BRINP1: variants seen among roughly 807,000 people sequenced by gnomAD.
The protein encoded by BRINP1 is BMP/retinoic acid inducible neural specific 1, also known as BMP/retinoic acid-inducible neural-specific protein 1.
A neutral mutation model predicts 72.9 loss-of-function variants in BRINP1; 17 were observed. The observed-to-expected ratio is 0.23, with a 90% CI of 0.16 to 0.35. The LOEUF (loss-of-function observed/expected upper bound fraction) is 0.35. Among genes scored for constraint, BRINP1 ranks in the 10% least tolerant of loss-of-function variants. The pLI is 1.00. For synonymous variants in BRINP1, 418 were observed against 378.5 expected (o/e 1.10, Z -1.21); for missense variants, 850 against 1,001.6 (o/e 0.85, Z 2.04).
intron 1 of BRINP1, among the ~76,000 whole-genome samples, chr9:119,344,345 C>T (rs748957741): frequency 1.3e-5 from 2 of 152,170 alleles, no homozygotes; most frequent in Non-Finnish European, 2.9e-5. Flanking sequence ...AACACACACA[C>T]ATAGTCTAGC....
chr9:119,247,635 G>A (rs1192804227), intron 3 of BRINP1, among the ~76,000 whole-genome samples: 1 of 121,886 alleles, frequency 8.2e-6, no homozygotes, highest in Admixed American at 1.2e-4. Flanking sequence ...TCCATCCTAG[G>A]CGACAGAGCG....
chr9:119,190,834 C>A (rs1829676158), intron 7 of BRINP1, among the ~76,000 whole-genome samples: 1 of 151,894 alleles, frequency 6.6e-6, no homozygotes, highest in Non-Finnish European at 1.5e-5. Flanking sequence ...CTAAGCCAGA[C>A]AAAGACACTG....
At chr9:119,224,834 A>G (rs1417266011) in intron 5 of BRINP1, among the ~76,000 whole-genome samples, 2 of 152,086 alleles carry the variant, frequency 1.3e-5, no homozygotes, top group African/African-American at 4.8e-5. Context: ...GACAAGGCCA[A>G]TGTCACTAAA....
At chr9:119,340,526 C>T (rs1031373796) in intron 1 of BRINP1, among the ~76,000 whole-genome samples, 7 of 152,172 alleles carry the variant, frequency 4.6e-5, no homozygotes, top group Non-Finnish European at 8.8e-5. Context: ...TCCAGCTAAT[C>T]TTCAATGTAT....
At position 119,368,227 on chromosome 9, in the gene BRINP1, C is replaced by G. The variant is rs541175682; in HGVS notation, c.-51+829G>C. ...AAATCCCTATCCCAGACTTTCCAAG[C>G]CCCAGATAAGGAGCCCACCGCTGAC... is the stretch of plus-strand genomic sequence containing the variant. On this transcript the variant is annotated intron_variant, in intron 1 of 7. Coordinates refer to ENST00000265922, the MANE Select transcript of BRINP1 (RefSeq NM_014618.3). This position sits in a 1 kb window ranked among gnomAD's most constrained non-coding sequence, Gnocchi z 4.7. 1.3e-5 allele frequency among the ~76,000 whole-genome samples: 2 copies of G among 152,238 alleles called. No individual in the cohort carries two copies. Among genetic ancestry groups the G allele is most frequent in the African/African-American group, 4.8e-5 (2 of 41,548 alleles).
At position 119,167,022 on chromosome 9, in the gene BRINP1, CTTCATTTTGT is replaced by C; in HGVS notation, c.*52_*61del. 7.0e-7 allele frequency: 1 copy of C among 1,434,872 alleles called. No homozygotes were observed. Among genetic ancestry groups the C allele is most frequent in the Middle Eastern group, 2.2e-4 (1 of 4,486 alleles). The allele number at this position is 1,434,872 out of a possible 1,614,324, so 88.9% of individuals were successfully genotyped here. ...TTGTGGGTTTTTTTGTTTTGTTTTG[CTTCATTTTGT>C]TCTGTTGTGTGTGTACAACAACAGG... On this transcript the variant is annotated 3_prime_UTR_variant, in exon 8 of 8. Transcript: ENST00000265922. The surrounding 1 kb of genome is among the most constrained non-coding windows in gnomAD (Gnocchi z 4.3).
At position 119,167,759 on chromosome 9, in the gene BRINP1, G is replaced by A. The variant is rs774961236; in HGVS notation, c.1611C>T (p.Phe537=). The A allele has an allele frequency of 1.2e-6, 2 of 1,614,164 alleles. No homozygotes were observed. The highest frequency in any genetic ancestry group is 1.7e-6 in the Non-Finnish European group (2 of 1,180,032). ...TLKSNKNRMD[F]IHMVIGMSMR... The stretch of plus-strand genomic sequence containing the variant: ...TGGACATGCCGATCACCATGTGGAT[G>A]AAGTCCATGCGGTTCTTGTTGCTCT... The change falls in exon 8 of 8, where the codon TTC becomes TTT. Residue 537 remains phenylalanine, a synonymous_variant. Transcript: ENST00000265922. This position sits in a 1 kb window ranked among gnomAD's most constrained non-coding sequence, Gnocchi z 4.3.
chr9:119,353,629 C>T (rs1831526531), intron 1 of BRINP1, among the ~76,000 whole-genome samples: 1 of 151,984 alleles, frequency 6.6e-6, no homozygotes, highest in Admixed American at 6.6e-5. Flanking sequence ...CATTTTCTGT[C>T]CCTGAATTTA....
At chr9:119,260,379 G>A (rs1830484519) in intron 2 of BRINP1, among the ~76,000 whole-genome samples, 1 of 152,168 alleles carries the variant, frequency 6.6e-6, no homozygotes, top group South Asian at 2.1e-4. Flanking sequence ...GGCCCACAAA[G>A]TCTAAAATAT....
intron 7 of BRINP1, among the ~76,000 whole-genome samples, chr9:119,196,639 C>G (rs10760023): frequency 0.27 from 40,588 of 152,064 alleles, 6,490 homozygotes; most frequent in East Asian, 0.55. Flanking sequence ...TTACTACATG[C>G]TAGGAACAGT....
chr9:119,277,334 A>G (rs903906720), intron 2 of BRINP1, among the ~76,000 whole-genome samples: 1 of 152,050 alleles, frequency 6.6e-6, no homozygotes, highest in Admixed American at 6.5e-5. Flanking sequence ...AGAGAATACA[A>G]CTCCAGGCAT....
At chr9:119,312,041 C>T (rs963095537) in intron 2 of BRINP1, among the ~76,000 whole-genome samples, 7 of 152,194 alleles carry the variant, frequency 4.6e-5, no homozygotes, top group Non-Finnish European at 8.8e-5. Context: ...CCCTTCATGG[C>T]ACATGATAAG....
chr9:119,176,905 CTCCT>C (rs1055928521), intron 7 of BRINP1, among the ~76,000 whole-genome samples: 1 of 152,086 alleles, frequency 6.6e-6, no homozygotes, highest in African/African-American at 2.4e-5. Flanking sequence ...AATTAGTGGG[CTCCT>C]TGAAACCCTC....
At chr9:119,227,639 G>A (rs1588170511) in intron 5 of BRINP1, among the ~76,000 whole-genome samples, 1 of 152,056 alleles carries the variant, frequency 6.6e-6, no homozygotes, top group South Asian at 2.1e-4. Flanking sequence ...CTGTAGGCAT[G>A]AGCCATTGCT....
intron 1 of BRINP1, among the ~76,000 whole-genome samples, chr9:119,345,011 CAAGAATGCATGT>C (rs1324378583): frequency 3.3e-5 from 5 of 152,168 alleles, no homozygotes; most frequent in Non-Finnish European, 7.3e-5. Context: ...TGAAAATCAG[CAAGAATGCATGT>C]AACATCTTGA....
At chr9:119,260,579 C>T (rs1305349114) in intron 2 of BRINP1, among the ~76,000 whole-genome samples, 1 of 152,060 alleles carries the variant, frequency 6.6e-6, no homozygotes, top group Non-Finnish European at 1.5e-5. Flanking sequence ...TCTCTTGCTC[C>T]CAAAATGTTT....
chr9:119,230,119 G>A (rs1005481479), intron 5 of BRINP1, among the ~76,000 whole-genome samples: 3 of 152,006 alleles, frequency 2.0e-5, no homozygotes, highest in African/African-American at 7.2e-5. Context: ...GTGTAAAAGT[G>A]CAGGGCAATA....
At chr9:119,241,959 T>G in intron 4 of BRINP1, 88 bp downstream of exon 4, 1 of 1,417,384 alleles carries the variant, frequency 7.1e-7, no homozygotes, top group Non-Finnish European at 9.7e-7. Flanking sequence ...AACCCAGAAA[T>G]TACATCTGTC....
intron 7 of BRINP1, among the ~76,000 whole-genome samples, chr9:119,202,693 C>T (rs1829818146): frequency 6.6e-6 from 1 of 152,174 alleles, no homozygotes. Flanking sequence ...TGCGGGCTAA[C>T]AGAAATCCAT....
Sources: allele counts gnomAD v4.1 joint callset (sites outside exome capture counted in the v4.1 genomes callset), GRCh38; gene constraint gnomAD v4.1.1; non-coding constraint Gnocchi (gnomAD v3.1); transcripts MANE v1.5; gene names NCBI Gene and HGNC (gene_info 2026-07-23, HGNC 2026-07-21).